Variants in ULK4 observed in about 807,000 individuals in gnomAD.
ULK4 encodes inactive serine/threonine-protein kinase ULK4.
ULK4 carries 133 observed loss-of-function variants against 160.6 expected under a neutral mutation model. The observed-to-expected ratio is 0.83, with a 90% CI of 0.72 to 0.96. ULK4 has a LOEUF of 0.96. Ranked by LOEUF, ULK4 falls within the 40% of genes least tolerant of loss-of-function variation. ULK4 has a pLI of 0.00. For missense variants in ULK4, 1,580 were observed against 1,499.5 expected, an observed-to-expected ratio of 1.05 and a Z score of -0.89; for synonymous variants, 534 against 539.8, an observed-to-expected ratio of 0.99 and a Z score of 0.15.
At chr3:41,931,787 G>C in intron 5 of ULK4, 57 bp downstream of exon 5, 1 of 1,585,982 alleles carries the variant, frequency 6.3e-7, no homozygotes, top group South Asian at 1.1e-5. Flanking sequence ...CCTAAACACA[G>C]GACTTGGATG....
intron 35 of ULK4, among the ~76,000 whole-genome samples, chr3:41,265,684 C>T (rs1186105723): frequency 2.6e-5 from 4 of 152,162 alleles, no homozygotes; most frequent in Non-Finnish European, 4.4e-5. Flanking sequence ...TTTATAATGA[C>T]CGTTTTCAGA....
intron 32 of ULK4, among the ~76,000 whole-genome samples, chr3:41,537,998 A>G (rs367962051): frequency 1.8e-4 from 28 of 151,868 alleles, no homozygotes; most frequent in Admixed American, 1.1e-3. Context: ...TTTCTCATCA[A>G]TGATTTTCTT....
chr3:41,762,650 T>C (rs998143068), intron 21 of ULK4, among the ~76,000 whole-genome samples: 6 of 145,586 alleles, frequency 4.1e-5, no homozygotes, highest in Admixed American at 1.4e-4. Flanking sequence ...CCAGGAAGTG[T>C]TACACTTTTT....
intron 17 of ULK4, among the ~76,000 whole-genome samples, chr3:41,872,251 T>G: frequency 6.6e-6 from 1 of 152,206 alleles, no homozygotes. Context: ...TCCCTAGCAC[T>G]GAGCAACTGC....
intron 16 of ULK4, 22 bp from the exon 17 acceptor site, chr3:41,883,974 G>T (rs1252099229): frequency 1.3e-6 from 2 of 1,560,326 alleles, no homozygotes; most frequent in Non-Finnish European, 1.8e-6. Context: ...GAGAAAACAG[G>T]CTCTGAAAAG....
At chr3:41,305,558 C>T (rs2079893199) in intron 35 of ULK4, among the ~76,000 whole-genome samples, 1 of 152,222 alleles carries the variant, frequency 6.6e-6, no homozygotes, top group Non-Finnish European at 1.5e-5. Flanking sequence ...GTGGCGTGAT[C>T]TCGGCTCGCT....
intron 34 of ULK4, among the ~76,000 whole-genome samples, chr3:41,454,539 C>CAAAAAAAAA (rs11286615): frequency 5.5e-5 from 5 of 90,938 alleles, no homozygotes; most frequent in African/African-American, 7.6e-5. Context: ...GACTTCATCT[C>CAAAAAAAAA]AAAAAAAAAA....
chr3:41,931,615 G>A (rs898727988), intron 5 of ULK4: 17 of 438,462 alleles, frequency 3.9e-5, no homozygotes, highest in African/African-American at 1.2e-4. Flanking sequence ...AGCTGAGGAC[G>A]AAATACAGGT....
chr3:41,771,466 C>T (rs1035067378), intron 21 of ULK4, among the ~76,000 whole-genome samples: 12 of 152,092 alleles, frequency 7.9e-5, no homozygotes, highest in Non-Finnish European at 1.5e-4. Context: ...ATGATTTGTA[C>T]ATTCTATCAT....
intron 31 of ULK4, among the ~76,000 whole-genome samples, chr3:41,613,918 A>G (rs923449732): frequency 2.6e-5 from 4 of 152,264 alleles, no homozygotes; most frequent in Admixed American, 1.3e-4. Flanking sequence ...TAAAATGGTG[A>G]TCTGGAGGGT....
chr3:41,279,253 A>G, intron 35 of ULK4, among the ~76,000 whole-genome samples: 1 of 118,442 alleles, frequency 8.4e-6, no homozygotes, highest in South Asian at 2.9e-4. Flanking sequence ...AGAAAAAAAG[A>G]GTAAAAAAAA....
chr3:41,321,149 C>A (rs541023165), intron 35 of ULK4, among the ~76,000 whole-genome samples: 1 of 152,138 alleles, frequency 6.6e-6, no homozygotes, highest in Admixed American at 6.5e-5. Context: ...TTTCTATTAA[C>A]GACCTCAGGG....
chr3:41,271,173 C>A (rs2079131716), intron 35 of ULK4, among the ~76,000 whole-genome samples: 1 of 152,032 alleles, frequency 6.6e-6, no homozygotes, highest in Non-Finnish European at 1.5e-5. Context: ...GTGAATATAT[C>A]CATCATTCCT....
intron 30 of ULK4, among the ~76,000 whole-genome samples, chr3:41,648,247 G>A (rs947151881): frequency 3.3e-5 from 5 of 152,108 alleles, no homozygotes; most frequent in African/African-American, 7.2e-5. Context: ...AGATGAACCC[G>A]GTACCTCAGA....
At chr3:41,825,478 G>C (rs747286442) in intron 18 of ULK4, among the ~76,000 whole-genome samples, 1 of 152,244 alleles carries the variant, frequency 6.6e-6, no homozygotes, top group Non-Finnish European at 1.5e-5. Context: ...GGACCTGATG[G>C]AGCTGAAAAC....
At chr3:41,497,779 G>T (rs1352176679) in intron 32 of ULK4, among the ~76,000 whole-genome samples, 1 of 152,150 alleles carries the variant, frequency 6.6e-6, no homozygotes, top group African/African-American at 2.4e-5. Context: ...CTACTCACGA[G>T]GTTGAGGTGG....
At chr3:41,951,390 T>C (rs1700291713) in intron 2 of ULK4, among the ~76,000 whole-genome samples, 1 of 142,370 alleles carries the variant, frequency 7.0e-6, no homozygotes, top group Non-Finnish European at 1.5e-5. Context: ...GCCAAAACAA[T>C]CTTAAAAGAA....
At chr3:41,680,878 C>T (rs2035900688) in intron 29 of ULK4, among the ~76,000 whole-genome samples, 1 of 152,108 alleles carries the variant, frequency 6.6e-6, no homozygotes, top group Admixed American at 6.5e-5. Flanking sequence ...CTTTTTGAAA[C>T]TAGCTTTGAT....
chr3:41,486,330 T>C (rs1004674768), intron 32 of ULK4, among the ~76,000 whole-genome samples: 2 of 152,160 alleles, frequency 1.3e-5, no homozygotes, highest in African/African-American at 2.4e-5. Context: ...TTCTAGAAAT[T>C]TGTTGCCAAT....
Sources: gnomAD v4.1 joint callset for allele counts (sites outside exome capture counted in the v4.1 genomes callset) on GRCh38, gnomAD v4.1.1 for gene constraint, MANE v1.5 for transcripts, NCBI Gene and HGNC (gene_info 2026-07-23, HGNC 2026-07-21) for gene names.